GRM5: variants seen among roughly 807,000 people sequenced by gnomAD.
GRM5 encodes metabotropic glutamate receptor 5.
In GRM5, 19 loss-of-function variants were observed where a neutral mutation model predicts 83.1. That is an observed-to-expected ratio of 0.23 (90% CI 0.16 to 0.34). GRM5 has a LOEUF of 0.34. GRM5 is among the 10% of genes least tolerant of loss of function. The probability of loss-of-function intolerance (pLI) is 1.00; values close to 1 mark genes in which losing one functional copy is unlikely to be tolerated. For synonymous variants in GRM5, 675 were observed against 633.6 expected, an observed-to-expected ratio of 1.07 and a Z score of -0.98; for missense variants, 1,160 against 1,588.3, an observed-to-expected ratio of 0.73 and a Z score of 4.58.
intron 3 of GRM5, among the ~76,000 whole-genome samples, chr11:88,681,868 C>T (rs1213014911): frequency 3.3e-5 from 5 of 151,690 alleles, no homozygotes; most frequent in African/African-American, 1.2e-4. Context: ...TGTGCCCAGC[C>T]CTCTTTTTGT....
Position 88,509,508 on chromosome 11 carries a change from A to T in GRM5, c.2727-4T>A. 6.2e-7 allele frequency: 1 copy of T among 1,607,732 alleles called. No individual in the cohort carries two copies. Reference sequence around the variant, plus strand: ...CGTGACGGATTTTCCATTGGAACTGAGGAGAGAAGGGAGAGGAAAGGTGAC... The same window carrying T: ...CGTGACGGATTTTCCATTGGAACTGTGGAGAGAAGGGAGAGGAAAGGTGAC... On this transcript the variant is annotated splice_polypyrimidine_tract_variant and splice_region_variant and intron_variant, in intron 9 of 9. Transcript: ENST00000305447.
chr11:88,684,992 G>A (rs1440076035), intron 3 of GRM5, among the ~76,000 whole-genome samples: 3 of 152,170 alleles, frequency 2.0e-5, no homozygotes, highest in East Asian at 3.8e-4. Flanking sequence ...AGAGTGGGAT[G>A]TTACTGAAAA....
intron 3 of GRM5, among the ~76,000 whole-genome samples, chr11:88,769,054 T>C (rs1304639420): frequency 6.6e-6 from 1 of 152,060 alleles, no homozygotes; most frequent in African/African-American, 2.4e-5. Context: ...AGAAACTGCA[T>C]GTTAAGTACT....
At chr11:89,019,539 A>C (rs1448710235) in intron 2 of GRM5, among the ~76,000 whole-genome samples, 1 of 148,166 alleles carries the variant, frequency 6.7e-6, no homozygotes. Context: ...TACTAAAAAT[A>C]CAAAAAAAAA....
intron 3 of GRM5, among the ~76,000 whole-genome samples, chr11:88,825,261 T>C (rs1349288854): frequency 2.0e-5 from 3 of 152,132 alleles, no homozygotes; most frequent in African/African-American, 7.2e-5. Flanking sequence ...TTTGTTATTT[T>C]CTTAAGTACT....
chr11:88,708,684 T>A (rs140799440), intron 3 of GRM5, among the ~76,000 whole-genome samples: 20 of 152,262 alleles, frequency 1.3e-4, no homozygotes, highest in African/African-American at 4.6e-4. Flanking sequence ...TAATTTACTT[T>A]TTCTAAATTT....
In GRM5 at chr11:89,048,817, G is replaced by C. The variant is rs565718238; in HGVS notation, c.-200-745C>G. Among the ~76,000 whole-genome samples the C allele has an allele frequency of 4.6e-5, 7 of 152,204 alleles. No homozygotes were observed. In the East Asian group the frequency reaches 1.2e-3, roughly 25 times the overall value. ...AATTAGCACCAATTTTTAGAGAAAA[G>C]AATATTCACATTTCAATCCCTGTTC... is the stretch of plus-strand genomic sequence containing the variant. On this transcript the variant is annotated intron_variant, in intron 1 of 9. Coordinates refer to ENST00000305447, the MANE Select transcript of GRM5 (RefSeq NM_001143831.3).
At chr11:88,795,803 G>T (rs1488193206) in intron 3 of GRM5, among the ~76,000 whole-genome samples, 1 of 152,104 alleles carries the variant, frequency 6.6e-6, no homozygotes, top group African/African-American at 2.4e-5. Context: ...GCTAATGTGG[G>T]TATCATAGTG....
intron 4 of GRM5, among the ~76,000 whole-genome samples, chr11:88,618,825 T>C (rs1938556143): frequency 6.6e-6 from 1 of 152,176 alleles, no homozygotes; most frequent in African/African-American, 2.4e-5. Context: ...TCAGTAGTAT[T>C]TACTTTGTTC....
chr11:89,039,943 C>CA (rs1450818318), intron 2 of GRM5, among the ~76,000 whole-genome samples: 1 of 152,150 alleles, frequency 6.6e-6, no homozygotes, highest in Admixed American at 6.5e-5. Flanking sequence ...GGGTGCACAC[C>CA]ACCATGTCTA....
At chr11:88,697,847 A>G (rs897035080) in intron 3 of GRM5, among the ~76,000 whole-genome samples, 5 of 152,218 alleles carry the variant, frequency 3.3e-5, no homozygotes, top group African/African-American at 1.2e-4. Flanking sequence ...GAATGCTTTC[A>G]TGTTTATATC....
At chr11:88,841,445 A>C (rs1159426285) in intron 3 of GRM5, among the ~76,000 whole-genome samples, 1 of 152,132 alleles carries the variant, frequency 6.6e-6, no homozygotes. Flanking sequence ...TTTTTCTTGA[A>C]TAATATTAGA....
intron 2 of GRM5, among the ~76,000 whole-genome samples, chr11:88,968,761 A>C (rs1939072450): frequency 6.6e-6 from 1 of 152,092 alleles, no homozygotes; most frequent in Non-Finnish European, 1.5e-5. Context: ...AGTAATTTCA[A>C]ACTTTGAAAA....
At chr11:88,665,432 G>C (rs1184508052) in intron 3 of GRM5, among the ~76,000 whole-genome samples, 1 of 151,986 alleles carries the variant, frequency 6.6e-6, no homozygotes, top group East Asian at 1.9e-4. Context: ...TTCACTTTGA[G>C]GCAACATGTT....
At chr11:88,958,880 A>G (rs1284954069) in intron 2 of GRM5, among the ~76,000 whole-genome samples, 1 of 152,130 alleles carries the variant, frequency 6.6e-6, no homozygotes, top group African/African-American at 2.4e-5. Flanking sequence ...AAATATTTTT[A>G]GTGTGAAGGG....
rs1938093464 is a variant in GRM5, at chr11:88,604,735, A to G, written c.1377T>C (p.Asn459=). ...CACAATACCTTCCTGGAGAGTCTCC[A>G]TTCTCATCGAATAGGATCGTATCTC... The part of the protein sequence containing the change: ...VSGDTILFDE[N]GDSPGRYEIM... Residue 459 remains asparagine, a synonymous_variant, in exon 5 of 10, where the codon AAT becomes AAC. Transcript: ENST00000305447. The G allele has an allele frequency of 6.2e-7, 1 of 1,612,140 alleles. No homozygotes were observed. Among genetic ancestry groups the G allele is most frequent in the African/African-American group, 1.3e-5 (1 of 74,868 alleles).
At chr11:88,738,316 C>T (rs1941961513) in intron 3 of GRM5, among the ~76,000 whole-genome samples, 2 of 151,932 alleles carry the variant, frequency 1.3e-5, no homozygotes, top group South Asian at 2.1e-4. Context: ...ATCAGAACCA[C>T]AGAAAAATGT....
chr11:88,853,093 GAC>G (rs1015570576), intron 2 of GRM5, among the ~76,000 whole-genome samples: 1 of 152,076 alleles, frequency 6.6e-6, no homozygotes, highest in Non-Finnish European at 1.5e-5. Flanking sequence ...ATAGAAGTAA[GAC>G]AGAATCCATA....
chr11:88,510,705 G>T (rs1175337988), intron 9 of GRM5, among the ~76,000 whole-genome samples: 1 of 152,208 alleles, frequency 6.6e-6, no homozygotes, highest in Middle Eastern at 3.4e-3. Context: ...TAGTAGATAC[G>T]GGGTTTCACC....
Sources: gnomAD v4.1 joint callset for allele counts (sites outside exome capture counted in the v4.1 genomes callset) on GRCh38, gnomAD v4.1.1 for gene constraint, MANE v1.5 for transcripts, NCBI Gene and HGNC (gene_info 2026-07-23, HGNC 2026-07-21) for gene names.